Variants in CUX1 observed in about 807,000 individuals in gnomAD.
CUX1 encodes the protein cut like homeobox 1.
A neutral mutation model predicts 158.8 loss-of-function variants in CUX1; 31 were observed. That is an observed-to-expected ratio of 0.20 (90% confidence interval 0.15 to 0.26). CUX1 has a LOEUF of 0.26. CUX1 is among the 10% of genes least tolerant of loss of function. CUX1 has a pLI of 1.00. For missense variants in CUX1, 1,589 were observed against 2,014.6 expected (o/e 0.79, Z 4.04); for synonymous variants, 879 against 862.1 (o/e 1.02, Z -0.34).
At chr7:102,067,111 C>T (rs1825629490) in intron 3 of CUX1, among the ~76,000 whole-genome samples, 1 of 152,076 alleles carries the variant, frequency 6.6e-6, no homozygotes, top group Non-Finnish European at 1.5e-5. Context: ...AAAGGAAATC[C>T]CACACCCTTC....
At chr7:101,963,748 C>T (rs1012521018) in intron 2 of CUX1, among the ~76,000 whole-genome samples, 2 of 152,170 alleles carry the variant, frequency 1.3e-5, no homozygotes, top group African/African-American at 4.8e-5. Flanking sequence ...AGCTCTTGGG[C>T]TCAAGTGATC....
At chr7:101,938,312 C>T (rs1268940953) in intron 2 of CUX1, among the ~76,000 whole-genome samples, 1 of 151,960 alleles carries the variant, frequency 6.6e-6, no homozygotes, top group Admixed American at 6.6e-5. Context: ...GCTATGTTGC[C>T]CAGGTTGGTC....
chr7:102,172,534 G>A (rs1413118368), intron 10 of CUX1, among the ~76,000 whole-genome samples: 1 of 152,188 alleles, frequency 6.6e-6, no homozygotes, highest in African/African-American at 2.4e-5. Flanking sequence ...ACAAGCATGA[G>A]TCATCATTCC....
rs1413492525 is a variant in CUX1 at position 102,282,040 on chromosome 7, C to T, written c.1902+120C>T. ...GGCCTACCCCAAGCTGCATCTCTAG[C>T]TTGCGGCCATGCCTCTCCCCTTCGA... On this transcript the variant is annotated intron_variant, in intron 21 of 22. Transcript: ENST00000292538. 7 of 748,488 alleles carry T rather than the reference C, an allele frequency of 9.4e-6. No homozygotes were observed. In the African/African-American group the frequency reaches 1.2e-4, roughly 13 times the overall value. The allele number at this position is 748,488 out of a possible 1,614,324, so 46.4% of individuals were successfully genotyped here.
intron 2 of CUX1, among the ~76,000 whole-genome samples, chr7:101,995,398 A>AT (rs1206733164): frequency 6.6e-6 from 1 of 152,220 alleles, no homozygotes; most frequent in African/African-American, 2.4e-5. Flanking sequence ...ATGTGTCTCT[A>AT]TCCCTCCTTC....
intron 2 of CUX1, among the ~76,000 whole-genome samples, chr7:101,947,230 C>G (rs1204415196): frequency 6.6e-6 from 1 of 151,818 alleles, no homozygotes; most frequent in Non-Finnish European, 1.5e-5. Context: ...CCTGTCTTGA[C>G]AAAAAATTAA....
In CUX1 at chr7:102,161,900, G is replaced by T. The variant is rs538788095; in HGVS notation, c.723+3292G>T. ...TGGGGTTACAGGCAAGAGCCACCGCGCCCAGCCGGAAATTCCATTTTAGAC... is the reference window on the plus strand; with the variant it reads ...TGGGGTTACAGGCAAGAGCCACCGCTCCCAGCCGGAAATTCCATTTTAGAC... On this transcript the variant is annotated intron_variant, in intron 9 of 23. Coordinates refer to ENST00000292535, the MANE Select transcript of CUX1 (RefSeq NM_181552.4). 2.6e-5 allele frequency among the ~76,000 whole-genome samples: 4 copies of T among 152,092 alleles called. 1 individual carries two copies. Among genetic ancestry groups the T allele is most frequent in the East Asian group, 1.9e-4 (1 of 5,184 alleles).
chr7:102,234,427 CTT>C (rs1799319893), intron 22 of CUX1, among the ~76,000 whole-genome samples, 187 bp downstream of exon 22: 2 of 152,242 alleles, frequency 1.3e-5, no homozygotes, highest in South Asian at 2.1e-4. Context: ...AGTTGTGTAA[CTT>C]TTTCTCTCCA....
chr7:102,116,099 C>T (rs1448553029), intron 8 of CUX1, among the ~76,000 whole-genome samples: 3 of 152,194 alleles, frequency 2.0e-5, no homozygotes, highest in African/African-American at 7.2e-5. Flanking sequence ...CCTCCGTGGG[C>T]ATCGGCAAGA....
At chr7:101,913,186 A>G in intron 1 of CUX1, 2 of 262,920 alleles carry the variant, frequency 7.6e-6, no homozygotes, top group South Asian at 6.6e-5. Flanking sequence ...CTGGTCAAAG[A>G]TTTCAAGCCT....
intron 3 of CUX1, among the ~76,000 whole-genome samples, chr7:102,061,730 T>C (rs1157180576): frequency 6.6e-6 from 1 of 152,188 alleles, no homozygotes; most frequent in Admixed American, 6.5e-5. Context: ...GCCTTTTTTA[T>C]TTCAAAATAC....
intron 3 of CUX1, among the ~76,000 whole-genome samples, chr7:102,046,751 A>AT (rs1181285205): frequency 1.2e-3 from 170 of 146,782 alleles, no homozygotes; most frequent in African/African-American, 1.2e-3. Flanking sequence ...TAATTTTTGC[A>AT]TTTTTTTTTT....
At position 102,248,890 on chromosome 7, in the gene CUX1, C is replaced by A; in HGVS notation, c.4366C>A (p.Leu1456Met). The A allele has an allele frequency of 5.0e-6, 7 of 1,412,800 alleles. No homozygotes were observed. Among genetic ancestry groups the A allele is most frequent in the Non-Finnish European group, 6.5e-6 (7 of 1,076,810 alleles). The allele number at this position is 1,412,800 out of a possible 1,614,324, so 87.5% of individuals were successfully genotyped here. The part of the protein sequence containing the change: ...SSSAPRRPSS[L>M]QSLFGLPEAA... ...CAGCGCCCCCCGCAGGCCCAGCTCG[C>A]TGCAGAGCCTTTTCGGCCTCCCCGA... The change falls in exon 24 of 24, where the codon CTG becomes ATG. Residue 1456 changes from leucine to methionine, a missense_variant. By Grantham distance (15) the Leu-to-Met change is conservative (BLOSUM62 2). Around this residue, in one of 8 missense-constraint regions of CUX1, gnomAD observed 344 missense variants for 323.7 expected, o/e 1.06. Coordinates refer to ENST00000292535, the MANE Select transcript of CUX1 (RefSeq NM_181552.4). The surrounding 1 kb of genome is among the most constrained non-coding windows in gnomAD (Gnocchi z 5.8).
intron 1 of CUX1, among the ~76,000 whole-genome samples, chr7:101,866,903 A>C (rs1346547564): frequency 6.6e-6 from 1 of 152,222 alleles, no homozygotes; most frequent in African/African-American, 2.4e-5. Context: ...TATAGGAATA[A>C]GAAGTTTCAA....
chr7:101,923,732 G>A (rs1489918166), intron 2 of CUX1, among the ~76,000 whole-genome samples: 2 of 152,210 alleles, frequency 1.3e-5, no homozygotes, highest in African/African-American at 4.8e-5. Flanking sequence ...TGCACATGAT[G>A]TCACACCCAG....
upstream of CUX1, chr7:101,816,229 C>G (rs1032352320): frequency 7.8e-4 from 135 of 173,464 alleles, no homozygotes; most frequent in African/African-American, 3.0e-3. Context: ...CCGGGCACCG[C>G]GGGGCCGAGT....
intron 3 of CUX1, among the ~76,000 whole-genome samples, chr7:102,048,477 A>G (rs1823097431): frequency 6.6e-6 from 1 of 152,034 alleles, no homozygotes; most frequent in Non-Finnish European, 1.5e-5. Context: ...TCGGTCTAAT[A>G]TTCATTCCAC....
At chr7:102,180,772 G>A (rs906895070) in intron 11 of CUX1, among the ~76,000 whole-genome samples, 1 of 151,494 alleles carries the variant, frequency 6.6e-6, no homozygotes, top group Non-Finnish European at 1.5e-5. Context: ...TCTTTGGGGT[G>A]AATTTCACCC....
intron 8 of CUX1, among the ~76,000 whole-genome samples, chr7:102,117,684 A>G (rs530113270): frequency 6.6e-6 from 1 of 152,190 alleles, no homozygotes. Context: ...AGGGGAGCGC[A>G]GGGAAAGAAT....
Sources: gnomAD v4.1 joint callset for allele counts (sites outside exome capture counted in the v4.1 genomes callset) on GRCh38, gnomAD v4.1.1 for gene constraint, gnomAD v4.1.1 regional missense constraint, Gnocchi (gnomAD v3.1) non-coding constraint, MANE v1.5 for transcripts, NCBI Gene and HGNC (gene_info 2026-07-23, HGNC 2026-07-21) for gene names.